ABTB3: variants seen among roughly 807,000 people sequenced by gnomAD.
ABTB3 encodes the protein ankyrin repeat- and BTB/POZ domain-containing protein 3.
At chr12:107,641,253 C>T in the ABTB3 span, among the ~76,000 whole-genome samples, 2 of 152,180 alleles carry the variant, frequency 1.3e-5, no homozygotes. Flanking sequence ...TTTTCCCTTG[C>T]ATAGTTTTCA....
the ABTB3 span, among the ~76,000 whole-genome samples, chr12:107,519,367 G>T: frequency 7.1e-6 from 1 of 141,320 alleles, no homozygotes; most frequent in Non-Finnish European, 1.5e-5. Flanking sequence ...CTGTTGCCTA[G>T]GCTGGAGTGT....
the ABTB3 span, among the ~76,000 whole-genome samples, chr12:107,541,925 G>GA: frequency 0.36 from 51,943 of 145,640 alleles, 9,479 homozygotes; most frequent in East Asian, 0.63. Context: ...AAGTTGGAAA[G>GA]AAAAAAAAAA....
At chr12:107,368,068 G>C in the ABTB3 span, among the ~76,000 whole-genome samples, 2 of 152,168 alleles carry the variant, frequency 1.3e-5, no homozygotes, top group Admixed American at 6.5e-5. Flanking sequence ...CAGCTGCACA[G>C]TTAACTCCAT....
the ABTB3 span, among the ~76,000 whole-genome samples, chr12:107,470,651 T>C: frequency 6.6e-6 from 1 of 152,212 alleles, no homozygotes; most frequent in African/African-American, 2.4e-5. Flanking sequence ...GGGTCACCGC[T>C]GGGCCTCGTC....
the ABTB3 span, among the ~76,000 whole-genome samples, chr12:107,558,685 A>G: frequency 6.6e-6 from 1 of 152,078 alleles, no homozygotes; most frequent in Non-Finnish European, 1.5e-5. Context: ...TCTGTTCACA[A>G]CCCCTTCAGT....
At chr12:107,555,617 G>A in the ABTB3 span, among the ~76,000 whole-genome samples, 1 of 152,196 alleles carries the variant, frequency 6.6e-6, no homozygotes, top group African/African-American at 2.4e-5. Context: ...AGGAACCAGA[G>A]CTGCACTGTC....
At chr12:107,474,495 G>C in the ABTB3 span, among the ~76,000 whole-genome samples, 2 of 152,164 alleles carry the variant, frequency 1.3e-5, no homozygotes, top group Admixed American at 6.5e-5. Context: ...CAAAGATTAA[G>C]AAATCAAAAC....
chr12:107,405,025 G>A, the ABTB3 span, among the ~76,000 whole-genome samples: 1 of 152,302 alleles, frequency 6.6e-6, no homozygotes, highest in South Asian at 2.1e-4. Flanking sequence ...ACAAACCCAG[G>A]TTGGTGCAGA....
chr12:107,644,343 A>G, the ABTB3 span, among the ~76,000 whole-genome samples: 2 of 152,092 alleles, frequency 1.3e-5, no homozygotes, highest in African/African-American at 2.4e-5. Flanking sequence ...ACAATTCCCA[A>G]TGCCCAGGCT....
the ABTB3 span, among the ~76,000 whole-genome samples, chr12:107,458,908 T>C: frequency 3.9e-5 from 6 of 152,172 alleles, no homozygotes; most frequent in Non-Finnish European, 8.8e-5. Context: ...ATGCCAGGCA[T>C]GGGAATAGGT....
At chr12:107,618,095 C>A in the ABTB3 span, 1 of 1,524,050 alleles carries the variant, frequency 6.6e-7, no homozygotes, top group Non-Finnish European at 9.0e-7. Context: ...CCTGCCCCTG[C>A]CCTGCCCCAG....
chr12:107,612,342 C>G, the ABTB3 span, among the ~76,000 whole-genome samples: 4 of 152,204 alleles, frequency 2.6e-5, no homozygotes, highest in Admixed American at 2.6e-4. Context: ...TTCCTTGATG[C>G]TGACCAGCAG....
chr12:107,417,707 C>T, the ABTB3 span, among the ~76,000 whole-genome samples: 2 of 152,248 alleles, frequency 1.3e-5, no homozygotes, highest in East Asian at 1.9e-4. Context: ...CAGATACTCT[C>T]GTTTACTGAG....
the ABTB3 span, among the ~76,000 whole-genome samples, chr12:107,495,347 T>C: frequency 1.9e-4 from 29 of 152,306 alleles, no homozygotes; most frequent in African/African-American, 6.7e-4. Flanking sequence ...CAGAACAGAC[T>C]TGAGGCAGGC....
chr12:107,595,514 A>G, the ABTB3 span, among the ~76,000 whole-genome samples: 1 of 152,224 alleles, frequency 6.6e-6, no homozygotes, highest in East Asian at 1.9e-4. Flanking sequence ...CTTGAAGCCT[A>G]TGATTAGGAA....
the ABTB3 span, among the ~76,000 whole-genome samples, chr12:107,586,042 A>C: frequency 6.6e-6 from 1 of 152,154 alleles, no homozygotes; most frequent in Admixed American, 6.5e-5. Context: ...TATTTCATAG[A>C]GCATGAGTGC....
the ABTB3 span, among the ~76,000 whole-genome samples, chr12:107,471,459 A>G: frequency 6.6e-6 from 1 of 152,214 alleles, no homozygotes; most frequent in Admixed American, 6.5e-5. Context: ...AGAAAAAGGG[A>G]GAGGAAAAGA....
chr12:107,458,464 C>G, the ABTB3 span, among the ~76,000 whole-genome samples: 1 of 152,158 alleles, frequency 6.6e-6, no homozygotes, highest in South Asian at 2.1e-4. Context: ...TGGGACAAGA[C>G]AGAATCTAGG....
the ABTB3 span, among the ~76,000 whole-genome samples, chr12:107,359,892 C>T: frequency 5.9e-5 from 9 of 152,172 alleles, no homozygotes; most frequent in African/African-American, 1.9e-4. Flanking sequence ...ATGGTTTGGG[C>T]ACCAGTTTGA....
Sources: gnomAD v4.1 joint callset for allele counts (sites outside exome capture counted in the v4.1 genomes callset) on GRCh38, gnomAD v4.1.1 for gene constraint, MANE v1.5 for transcripts, NCBI Gene and HGNC (gene_info 2026-07-23, HGNC 2026-07-21) for gene names.